The following SPSB4 variants were observed in gnomAD, a reference collection of about 807,000 sequenced individuals.
SPSB4 encodes the protein splA/ryanodine receptor domain and SOCS box containing 4.
In SPSB4, 21 loss-of-function variants were observed where a neutral mutation model predicts 20.9. The ratio of observed to expected loss-of-function variants is 1.01; its 90% CI spans 0.71 to 1.45. The LOEUF (loss-of-function observed/expected upper bound fraction) is 1.45, where lower values mean the gene tolerates loss of function less well. SPSB4 is among the 40% of genes most tolerant of loss of function. The pLI, the probability that SPSB4 is intolerant of heterozygous loss-of-function variation, is 0.00. For missense variants in SPSB4, 399 were observed against 399.2 expected, an observed-to-expected ratio of 1.00 and a Z score of 0.00; for synonymous variants, 207 against 183.8, an observed-to-expected ratio of 1.13 and a Z score of -1.02.
chr3:141,106,196 G>A (rs1381904721), intron 2 of SPSB4, among the ~76,000 whole-genome samples: 6 of 152,098 alleles, frequency 3.9e-5, no homozygotes, highest in Non-Finnish European at 8.8e-5. Context: ...GTTTTAACTT[G>A]GACATTCCCT....
chr3:141,111,354 CTTTTTTTTTTTT>C lies in SPSB4; in HGVS notation c.695-35773_695-35762del, dbSNP rs34223433. 1.9e-4 allele frequency among the ~76,000 whole-genome samples: 12 copies of C among 61,810 alleles called. No homozygotes were observed. In the East Asian group the frequency reaches 6.3e-3, roughly 32 times the overall value. The allele number at this position is 61,810 out of a possible 152,430, so 40.5% of individuals were successfully genotyped here. ...CCTAATTACTAAACCCTGGAACTTG[CTTTTTTTTTTTT>C]TTTTTTTTTTTTTTGGTAAGGGACA... On this transcript the variant is annotated intron_variant, in intron 2 of 2. Coordinates refer to ENST00000310546, the MANE Select transcript of SPSB4 (RefSeq NM_080862.3).
intron 2 of SPSB4, among the ~76,000 whole-genome samples, chr3:141,084,300 C>T (rs1045148324): frequency 5.9e-5 from 9 of 152,152 alleles, no homozygotes; most frequent in Non-Finnish European, 1.2e-4. Flanking sequence ...GGCCTCTAAC[C>T]GTCCCTTCCC....
intron 2 of SPSB4, among the ~76,000 whole-genome samples, chr3:141,092,075 C>T (rs1938461137): frequency 6.6e-6 from 1 of 152,174 alleles, no homozygotes; most frequent in South Asian, 2.1e-4. Flanking sequence ...TGGGGACAGG[C>T]AAGGTCTGGA....
In SPSB4 at chr3:141,119,262, G is replaced by A. The variant is rs565762481; in HGVS notation, c.695-27880G>A. On this transcript the variant is annotated intron_variant, in intron 2 of 2. Transcript: ENST00000310546. The stretch of plus-strand genomic sequence containing the variant: ...ATTCTCTTTGTAGTAATTGTGAATG[G>A]GAGTTCACTCATGATTTGGCTCTCT... Among the ~76,000 whole-genome samples the A allele has an allele frequency of 1.3e-4, 20 of 152,246 alleles. No homozygotes were observed. In the South Asian group the frequency reaches 4.2e-3, roughly 32 times the overall value.
Position 141,066,640 on chromosome 3 carries a change from T to C in SPSB4, c.536T>C (p.Val179Ala). The change falls in exon 2 of 3, where the codon GTG becomes GCG. Residue 179 changes from valine (V) to alanine (A), a missense_variant. By Grantham distance (64) the Val-to-Ala change is moderately conservative. Coordinates refer to ENST00000310546, the MANE Select transcript of SPSB4 (RefSeq NM_080862.3). ...TTTGCGCTGCCCGACTCGCTGCTCG[T>C]GGTGCTGGACATGGATGAGGGCACA... ...EAFALPDSLL[V>A]VLDMDEGTLS... is the part of the protein sequence containing the mutation. 4.3e-6 allele frequency: 7 copies of C among 1,611,782 alleles called. No individual in the cohort carries two copies. The highest frequency in any genetic ancestry group is 5.9e-6 in the Non-Finnish European group (7 of 1,178,978).
chr3:141,136,809 A>C (rs1939236124), intron 2 of SPSB4, among the ~76,000 whole-genome samples: 1 of 152,118 alleles, frequency 6.6e-6, no homozygotes, highest in Non-Finnish European at 1.5e-5. Context: ...CTTAGGATTG[A>C]CTTGGCGATG....
intron 2 of SPSB4, among the ~76,000 whole-genome samples, chr3:141,109,535 T>G (rs1281734763): frequency 6.6e-6 from 1 of 152,122 alleles, no homozygotes; most frequent in Non-Finnish European, 1.5e-5. Context: ...GCCCATCAGC[T>G]GGGTGAGGCT....
intron 2 of SPSB4, among the ~76,000 whole-genome samples, chr3:141,112,636 CTCCGTCT>C: frequency 1.2e-5 from 1 of 83,202 alleles, no homozygotes; most frequent in Non-Finnish European, 2.2e-5. Flanking sequence ...CAGAGCGAGA[CTCCGTCT>C]CAAAAAAAAA....
intron 2 of SPSB4, among the ~76,000 whole-genome samples, chr3:141,143,008 G>A (rs965072659): frequency 5.9e-5 from 9 of 151,488 alleles, no homozygotes; most frequent in African/African-American, 1.9e-4. Context: ...AGTAGAAATG[G>A]GGTTTCACCG....
At chr3:141,069,807 G>T (rs1382885717) in intron 2 of SPSB4, among the ~76,000 whole-genome samples, 1 of 152,172 alleles carries the variant, frequency 6.6e-6, no homozygotes, top group African/African-American at 2.4e-5. Flanking sequence ...GCAAATTCTG[G>T]GGTTCACCTG....
intron 2 of SPSB4, among the ~76,000 whole-genome samples, chr3:141,125,900 T>A (rs893443489): frequency 6.6e-5 from 10 of 152,126 alleles, no homozygotes; most frequent in African/African-American, 2.4e-4. Flanking sequence ...TTCTAAGAGG[T>A]GTGAAGATAG....
At chr3:141,104,510 T>A (rs1430194343) in intron 2 of SPSB4, among the ~76,000 whole-genome samples, 1 of 152,204 alleles carries the variant, frequency 6.6e-6, no homozygotes, top group Non-Finnish European at 1.5e-5. Context: ...CTCCTCTGCA[T>A]GGCAGATGGC....
intron 2 of SPSB4, chr3:141,080,504 C>T (rs1040622278): frequency 6.6e-6 from 1 of 152,426 alleles, no homozygotes; most frequent in Non-Finnish European, 1.5e-5. Flanking sequence ...GGAGCCCACC[C>T]CGACCTCTGT....
intron 1 of SPSB4, 104 bp from the exon 2 acceptor site, chr3:141,065,848 A>T (rs1388507815): frequency 4.2e-6 from 2 of 476,722 alleles, no homozygotes; most frequent in Non-Finnish European, 7.3e-6. Context: ...TATTACTATT[A>T]TTGTGCATGC....
intron 2 of SPSB4, among the ~76,000 whole-genome samples, chr3:141,069,469 T>C (rs1937952559): frequency 6.6e-6 from 1 of 152,068 alleles, no homozygotes. Flanking sequence ...TTAATGTCGG[T>C]TGTGGACATG....
intron 2 of SPSB4, chr3:141,116,927 T>G (rs1273810540): frequency 6.6e-6 from 1 of 152,144 alleles, no homozygotes; most frequent in Non-Finnish European, 1.5e-5. Flanking sequence ...GGCTGATGGG[T>G]GTGGCAGAAG....
At chr3:141,075,618 T>C (rs1027446405) in intron 2 of SPSB4, among the ~76,000 whole-genome samples, 4 of 152,136 alleles carry the variant, frequency 2.6e-5, no homozygotes, top group Non-Finnish European at 4.4e-5. Context: ...CCCAAGATTC[T>C]GCATTTCTAA....
chr3:141,073,451 G>T (rs190985575), intron 2 of SPSB4, among the ~76,000 whole-genome samples: 52 of 152,264 alleles, frequency 3.4e-4, no homozygotes, highest in Non-Finnish European at 6.2e-4. Context: ...ATTATTTGAG[G>T]TGTCTAATTC....
At chr3:141,076,710 G>A (rs1264587231) in intron 2 of SPSB4, among the ~76,000 whole-genome samples, 1 of 152,152 alleles carries the variant, frequency 6.6e-6, no homozygotes, top group African/African-American at 2.4e-5. Context: ...ACCCACACCT[G>A]TAACCTCTGT....
Sources: allele counts gnomAD v4.1 joint callset (sites outside exome capture counted in the v4.1 genomes callset), GRCh38; gene constraint gnomAD v4.1.1; transcripts MANE v1.5; gene names NCBI Gene and HGNC (gene_info 2026-07-23, HGNC 2026-07-21).